Variants in C2 observed in about 807,000 individuals in gnomAD.
C2 encodes C3/C5 convertase.
Under a neutral mutation model 85.2 loss-of-function variants are expected in C2, and 64 were observed. The ratio of observed to expected loss-of-function variants is 0.75; its 90% CI spans 0.61 to 0.92. The LOEUF is 0.92. C2 is among the 40% of genes least tolerant of loss of function. The pLI is 0.00. For missense variants in C2, 820 were observed against 971.6 expected (o/e 0.84, Z 2.07); for synonymous variants, 311 against 370.8 (o/e 0.84, Z 1.85).
At chr6:31,932,707 A>G (rs1175687625) in intron 3 of C2, among the ~76,000 whole-genome samples, 2 of 151,774 alleles carry the variant, frequency 1.3e-5, no homozygotes, top group Non-Finnish European at 2.9e-5. Flanking sequence ...CACTTCCCAG[A>G]CGGGGTGGCG....
upstream of C2, chr6:31,899,756 C>CA: frequency 1.4e-6 from 1 of 715,672 alleles, no homozygotes; most frequent in East Asian, 2.7e-5. Context: ...CTCTCAAGAG[C>CA]AAGTCTCTCC....
At chr6:31,936,092 AGAG>A (rs1209342073) in intron 7 of C2, 31 bp downstream of exon 7, 2 of 1,611,684 alleles carry the variant, frequency 1.2e-6, no homozygotes, top group Admixed American at 3.3e-5. Context: ...TGGTGATGAG[AGAG>A]GAGAAGATGG....
At chr6:31,937,034 C>G in intron 7 of C2, 1 of 408,732 alleles carries the variant, frequency 2.4e-6, no homozygotes, top group Non-Finnish European at 4.6e-6. Flanking sequence ...ATGGTGAAAC[C>G]CCATCTCTAC....
chr6:31,945,564 T>G lies in C2; in HGVS notation c.*207T>G, dbSNP rs777037589. 17 of 609,720 alleles carry G rather than the reference T, an allele frequency of 2.8e-5. No individual in the cohort carries two copies. The highest frequency in any genetic ancestry group is 4.4e-5 in the Non-Finnish European group (15 of 340,876). 37.8% of individuals were successfully genotyped at this position (609,720 alleles called of 1,614,324 possible). A position where few individuals can be genotyped will look rare whatever the true frequency, so the allele number is the denominator to read the frequency against. On this transcript the variant is annotated 3_prime_UTR_variant, in exon 18 of 18. Transcript: ENST00000299367. The surrounding 1 kb of genome is among the most constrained non-coding windows in gnomAD (Gnocchi z 5.3). Reference sequence around the variant, plus strand: ...ACTGCCTCGCTGCCCCACCTCCCGCTCCTTGGCCTGTCCCCAGATTCCTTC... The same window carrying G: ...ACTGCCTCGCTGCCCCACCTCCCGCGCCTTGGCCTGTCCCCAGATTCCTTC...
chr6:31,919,166 C>T (rs548956419), upstream of C2, among the ~76,000 whole-genome samples: 55 of 139,464 alleles, frequency 3.9e-4, no homozygotes, highest in African/African-American at 1.2e-3. Context: ...TTTCTGGAGA[C>T]GGAGTTTTGT....
chr6:31,939,354 G>T, intron 9 of C2, 34 bp downstream of exon 9: 1 of 1,489,540 alleles, frequency 6.7e-7, no homozygotes, highest in Non-Finnish European at 9.4e-7. Context: ...CATTTGTTCT[G>T]CTCCTGCAGA....
upstream of C2, chr6:31,927,421 G>C: frequency 8.4e-7 from 1 of 1,190,560 alleles, no homozygotes; most frequent in Non-Finnish European, 1.1e-6. This position sits in a 1 kb window ranked among gnomAD's most constrained non-coding sequence, Gnocchi z 4.7. Flanking sequence ...ATATGTGTTT[G>C]CCTGCGTGTT....
In C2 at chr6:31,945,591, CT is replaced by C; in HGVS notation, c.*235del. On this transcript the variant is annotated 3_prime_UTR_variant, in exon 18 of 18. Coordinates refer to ENST00000299367, the MANE Select transcript of C2 (RefSeq NM_000063.6). The surrounding 1 kb of genome is among the most constrained non-coding windows in gnomAD (Gnocchi z 5.3). ...CTTGGCCTGTCCCCAGATTCCTTCCCTGGTTGACTTGACTCATGCTTGTTTC... is the reference window on the plus strand; with the variant it reads ...CTTGGCCTGTCCCCAGATTCCTTCCCGGTTGACTTGACTCATGCTTGTTTC... 3.4e-6 allele frequency: 2 copies of C among 593,882 alleles called. No individual in the cohort carries two copies. Among genetic ancestry groups the C allele is most frequent in the Non-Finnish European group, 3.0e-6 (1 of 333,000 alleles). 36.8% of individuals were successfully genotyped at this position (593,882 alleles called of 1,614,324 possible).
chr6:31,900,684 T>C (rs1301495133), upstream of C2: 1 of 1,611,630 alleles, frequency 6.2e-7, no homozygotes, highest in Non-Finnish European at 8.5e-7. The surrounding 1 kb of genome is among the most constrained non-coding windows in gnomAD (Gnocchi z 9.7). Flanking sequence ...ACGATGCAGA[T>C]GTCAGACACG....
upstream of C2, among the ~76,000 whole-genome samples, chr6:31,917,741 A>C (rs1360031804): frequency 6.6e-6 from 1 of 152,052 alleles, no homozygotes; most frequent in African/African-American, 2.4e-5. Context: ...CCCCGTCTCT[A>C]CTAAAAATGC....
At chr6:31,917,172 GAA>G (rs1273347156), upstream of C2, among the ~76,000 whole-genome samples, 5 of 83,218 alleles carry the variant, frequency 6.0e-5, no homozygotes, top group African/African-American at 4.6e-5. Context: ...CTCTGTCTCA[GAA>G]AAAAAAAAAA....
At chr6:31,900,732 G>A (rs1421681772), upstream of C2, 2 of 1,596,706 alleles carry the variant, frequency 1.3e-6, no homozygotes, top group Non-Finnish European at 1.7e-6. This position sits in a 1 kb window ranked among gnomAD's most constrained non-coding sequence, Gnocchi z 9.7. Flanking sequence ...TCGGCTTTCA[G>A]CTCCAAGTCT....
At position 31,935,844 on chromosome 6, in the gene C2, A is replaced by C; in HGVS notation, c.850-79A>C. On this transcript the variant is annotated intron_variant, in intron 6 of 17. Coordinates refer to ENST00000299367, the MANE Select transcript of C2 (RefSeq NM_000063.6). This position sits in a 1 kb window ranked among gnomAD's most constrained non-coding sequence, Gnocchi z 4.3. ...TCACTCCAGTTTCTCTGCCTCCTCC[A>C]GGGCCCTTTGTTTGCTCTCTTACCA... The C allele has an allele frequency of 6.8e-6, 10 of 1,467,916 alleles. No individual in the cohort carries two copies. Among genetic ancestry groups the C allele is most frequent in the African/African-American group, 1.4e-5 (1 of 71,880 alleles). The allele number at this position is 1,467,916 out of a possible 1,614,324, so 90.9% of individuals were successfully genotyped here.
Position 31,934,194 on chromosome 6 carries a change from G to A in C2, c.744G>A (p.Gln248=), listed in dbSNP as rs1770201437. 2 of 1,614,192 alleles carry A rather than the reference G, an allele frequency of 1.2e-6. No individual in the cohort carries two copies. Among genetic ancestry groups the A allele is most frequent in the Admixed American group, 3.3e-5 (2 of 60,020 alleles). The stretch of plus-strand genomic sequence containing the variant: ...GCCTGGGCCGTAAAATCCAAATCCA[G>A]CGCTCTGGTCATCTGAACCTCTACC... The part of the protein sequence containing the change: ...KESLGRKIQI[Q]RSGHLNLYLL... The change falls in exon 6 of 18, where the codon CAG becomes CAA. Residue 248 remains glutamine (Q), a synonymous_variant. Coordinates refer to ENST00000299367, the MANE Select transcript of C2 (RefSeq NM_000063.6).
chr6:31,939,488 C>T (rs898650719), intron 9 of C2, among the ~76,000 whole-genome samples, 168 bp downstream of exon 9: 1 of 151,894 alleles, frequency 6.6e-6, no homozygotes, highest in African/African-American at 2.4e-5. Flanking sequence ...CAAACTACTG[C>T]CCATGGTCTC....
At chr6:31,901,084 C>G (rs761572069) in exon 1 of C2, 1 of 1,614,176 alleles carries the variant, frequency 6.2e-7, no homozygotes, top group Admixed American at 1.7e-5. Context: ...CACTGTGCAT[C>G]AGGGAGACCT....
upstream of C2, among the ~76,000 whole-genome samples, chr6:31,919,144 C>CTTTTTT (rs559090030): frequency 4.5e-5 from 6 of 133,658 alleles, no homozygotes; most frequent in African/African-American, 8.3e-5. Context: ...CTTTTCTTTT[C>CTTTTTT]TTTTTTTTTT....
At position 31,921,606 on chromosome 6, in the gene C2, G is replaced by A. The variant is rs1411843218; in HGVS notation, c.-100+1580G>A. Among the ~76,000 whole-genome samples, 2 of 151,904 alleles carry A rather than the reference G, an allele frequency of 1.3e-5. No individual in the cohort carries two copies. Among genetic ancestry groups the A allele is most frequent in the African/African-American group, 2.4e-5 (1 of 41,226 alleles). ...TGGACCCAGGAGCCATGCTGCCTGGGTTTGAATCCCGGCTCTGCTGCTTAG... is the reference window on the plus strand; with the variant it reads ...TGGACCCAGGAGCCATGCTGCCTGGATTTGAATCCCGGCTCTGCTGCTTAG... On this transcript the variant is annotated intron_variant, in intron 1 of 3. Coordinates refer to the C2 transcript ENST00000413154. This position sits in a 1 kb window ranked among gnomAD's most constrained non-coding sequence, Gnocchi z 4.6.
chr6:31,911,731 G>A (rs1768117491), intron 1 of C2, among the ~76,000 whole-genome samples: 1 of 151,238 alleles, frequency 6.6e-6, no homozygotes, highest in Non-Finnish European at 1.5e-5. Context: ...CCGGGTTCAA[G>A]CAATTCTCCT....
Sources: gnomAD v4.1 joint callset for allele counts (sites outside exome capture counted in the v4.1 genomes callset) on GRCh38, gnomAD v4.1.1 for gene constraint, Gnocchi (gnomAD v3.1) non-coding constraint, MANE v1.5 for transcripts, NCBI Gene and HGNC (gene_info 2026-07-23, HGNC 2026-07-21) for gene names.